GABRB2: variants seen among roughly 807,000 people sequenced by gnomAD.
GABRB2 encodes the protein gamma-aminobutyric acid receptor subunit beta-2.
In GABRB2, 16 loss-of-function variants were observed where a neutral mutation model predicts 54.7. The ratio of observed to expected loss-of-function variants is 0.29; its 90% CI spans 0.20 to 0.44. The LOEUF is 0.44. GABRB2 is among the 20% of genes least tolerant of loss of function. The probability of loss-of-function intolerance (pLI) is 1.00; values close to 1 mark genes in which losing one functional copy is unlikely to be tolerated. For synonymous variants in GABRB2, 244 were observed against 233.8 expected (o/e 1.04, Z -0.40); for missense variants, 355 against 644.0 (o/e 0.55, Z 4.86).
intron 4 of GABRB2, among the ~76,000 whole-genome samples, chr5:161,415,082 T>C (rs1340479510): frequency 2.0e-5 from 3 of 152,230 alleles, no homozygotes; most frequent in Non-Finnish European, 4.4e-5. Context: ...ACATGCTTAA[T>C]GGACCTTAAA....
chr5:161,441,180 G>A (rs995384286), intron 4 of GABRB2, among the ~76,000 whole-genome samples: 39 of 152,178 alleles, frequency 2.6e-4, no homozygotes, highest in African/African-American at 7.5e-4. Context: ...GAGACAACCC[G>A]AAGAATGAGA....
intron 9 of GABRB2, among the ~76,000 whole-genome samples, chr5:161,302,726 T>G (rs1377238974): frequency 1.3e-5 from 2 of 152,230 alleles, no homozygotes; most frequent in Non-Finnish European, 2.9e-5. Flanking sequence ...AGCAATGGAC[T>G]GTTAATCCCC....
intron 3 of GABRB2, among the ~76,000 whole-genome samples, chr5:161,536,791 T>C (rs2113467316): frequency 6.6e-6 from 1 of 151,624 alleles, no homozygotes; most frequent in Admixed American, 6.6e-5. Flanking sequence ...AGAGACGGGG[T>C]TTTGTAATGT....
intron 3 of GABRB2, among the ~76,000 whole-genome samples, chr5:161,461,818 T>G (rs1365363130): frequency 6.6e-6 from 1 of 152,174 alleles, no homozygotes; most frequent in African/African-American, 2.4e-5. Context: ...AACAAATGAA[T>G]GAAATAATAT....
rs1275736521 is a variant in GABRB2 at position 161,335,553 on chromosome 5, T to TA, written c.680-650dup. On this transcript the variant is annotated intron_variant, in intron 6 of 9. Transcript: ENST00000393959. Reference sequence around the variant, plus strand: ...TCTTTGATTGGATGACCTGGGCAATTACCCTTTAATAAAACAAGACAAATA... The same window carrying TA: ...TCTTTGATTGGATGACCTGGGCAATTAACCCTTTAATAAAACAAGACAAATA... Among the ~76,000 whole-genome samples, 13 of 152,272 alleles carry TA rather than the reference T, an allele frequency of 8.5e-5. No individual in the cohort carries two copies. The East Asian group carries it at 2.5e-3, about 29-fold the overall frequency.
At chr5:161,308,194 AC>A (rs1332468175) in intron 9 of GABRB2, among the ~76,000 whole-genome samples, 1 of 152,058 alleles carries the variant, frequency 6.6e-6, no homozygotes, top group African/African-American at 2.4e-5. Context: ...CTAGCTTCTC[AC>A]AGTGGATGTT....
At chr5:161,310,525 T>C (rs1757830467) in intron 9 of GABRB2, among the ~76,000 whole-genome samples, 1 of 152,208 alleles carries the variant, frequency 6.6e-6, no homozygotes, top group Non-Finnish European at 1.5e-5. Flanking sequence ...TGCATGATTT[T>C]TCATAGGCCA....
intron 3 of GABRB2, among the ~76,000 whole-genome samples, chr5:161,494,106 T>C (rs1759158440): frequency 6.6e-6 from 1 of 151,826 alleles, no homozygotes; most frequent in South Asian, 2.1e-4. Flanking sequence ...GCTAAATATA[T>C]ATCTACAGTT....
intron 5 of GABRB2, among the ~76,000 whole-genome samples, chr5:161,372,579 G>A (rs567476203): frequency 3.3e-5 from 5 of 152,026 alleles, no homozygotes; most frequent in Admixed American, 6.6e-5. Context: ...TTCTTATACT[G>A]TTCTGCCCTC....
At chr5:161,390,153 G>C (rs1755775343) in intron 5 of GABRB2, among the ~76,000 whole-genome samples, 1 of 151,944 alleles carries the variant, frequency 6.6e-6, no homozygotes, top group Non-Finnish European at 1.5e-5. Flanking sequence ...TAATCATGTT[G>C]ACCTTTACGT....
chr5:161,473,302 T>G (rs1479308068), intron 3 of GABRB2, among the ~76,000 whole-genome samples: 2 of 151,978 alleles, frequency 1.3e-5, no homozygotes, highest in Non-Finnish European at 2.9e-5. Context: ...AATAATACAA[T>G]GATAGCCATT....
intron 5 of GABRB2, among the ~76,000 whole-genome samples, chr5:161,406,637 C>A (rs1756355728): frequency 6.6e-6 from 1 of 151,898 alleles, no homozygotes; most frequent in Non-Finnish European, 1.5e-5. Context: ...TAACAATCTC[C>A]TGTGTTAGGT....
At chr5:161,298,219 C>G (rs1757438577) in intron 9 of GABRB2, among the ~76,000 whole-genome samples, 1 of 152,174 alleles carries the variant, frequency 6.6e-6, no homozygotes, top group Non-Finnish European at 1.5e-5. Context: ...TTCTCCCATT[C>G]TGTAGGTTGC....
chr5:161,488,829 G>A (rs1017986388), intron 3 of GABRB2, among the ~76,000 whole-genome samples: 1 of 151,722 alleles, frequency 6.6e-6, no homozygotes, highest in Non-Finnish European at 1.5e-5. Flanking sequence ...CAAATGTCAT[G>A]GCTATACAGC....
intron 5 of GABRB2, among the ~76,000 whole-genome samples, chr5:161,393,664 A>C (rs977983776): frequency 6.6e-6 from 1 of 152,174 alleles, no homozygotes; most frequent in Admixed American, 6.6e-5. Flanking sequence ...GAGATAAAAA[A>C]GGACATTTCA....
At chr5:161,534,961 G>T (rs1475745837) in intron 3 of GABRB2, among the ~76,000 whole-genome samples, 1 of 152,128 alleles carries the variant, frequency 6.6e-6, no homozygotes, top group African/African-American at 2.4e-5. Context: ...TATTCATATA[G>T]TGCCCACACA....
intron 5 of GABRB2, among the ~76,000 whole-genome samples, chr5:161,364,301 G>A (rs1754912857): frequency 6.6e-6 from 1 of 151,994 alleles, no homozygotes; most frequent in Non-Finnish European, 1.5e-5. Context: ...TTTTCCTCTA[G>A]TCTCCTGTTT....
chr5:161,360,069 C>T (rs993040719), intron 5 of GABRB2, among the ~76,000 whole-genome samples: 2 of 134,456 alleles, frequency 1.5e-5, no homozygotes, highest in South Asian at 2.5e-4. Context: ...GGCGACACAG[C>T]GAGACTCCGT....
intron 9 of GABRB2, among the ~76,000 whole-genome samples, chr5:161,314,585 T>A (rs1325491752): frequency 6.6e-6 from 1 of 152,146 alleles, no homozygotes; most frequent in African/African-American, 2.4e-5. Context: ...TTTGACAAAA[T>A]AATTGAATAT....
Sources: gnomAD v4.1 joint callset for allele counts (sites outside exome capture counted in the v4.1 genomes callset) on GRCh38, gnomAD v4.1.1 for gene constraint, MANE v1.5 for transcripts, NCBI Gene and HGNC (gene_info 2026-07-23, HGNC 2026-07-21) for gene names.